The following MEMO1 variants were observed in gnomAD, a reference collection of about 807,000 sequenced individuals.
MEMO1 encodes protein MEMO1.
A neutral mutation model predicts 45.2 loss-of-function variants in MEMO1; 6 were observed. The ratio of observed to expected loss-of-function variants is 0.13; its 90% CI spans 0.07 to 0.26. MEMO1 has a LOEUF of 0.26. MEMO1 is among the 10% of genes least tolerant of loss of function. The pLI is 1.00. For synonymous variants in MEMO1, 78 were observed against 124.3 expected (o/e 0.63, Z 2.48); for missense variants, 184 against 370.5 (o/e 0.50, Z 4.13).
At chr2:31,944,336 T>C (rs1292983882) in intron 2 of MEMO1, among the ~76,000 whole-genome samples, 1 of 152,200 alleles carries the variant, frequency 6.6e-6, no homozygotes, top group African/African-American at 2.4e-5. Context: ...ACTTCCTTCA[T>C]CCCCTTATCA....
intron 2 of MEMO1, among the ~76,000 whole-genome samples, chr2:31,969,920 A>T (rs1669181332): frequency 6.6e-6 from 1 of 151,014 alleles, no homozygotes; most frequent in African/African-American, 2.4e-5. Flanking sequence ...ATTTTCTATA[A>T]CTTACCTGAA....
chr2:31,899,338 T>C (rs1375936618), intron 6 of MEMO1, among the ~76,000 whole-genome samples: 2 of 152,078 alleles, frequency 1.3e-5, no homozygotes, highest in Admixed American at 6.5e-5. Context: ...AAAACAGATA[T>C]ATAGACCAAT....
chr2:32,010,171 C>T lies in MEMO1; in HGVS notation c.61+16G>A, dbSNP rs746889252. 29 of 1,324,714 alleles carry T rather than the reference C, an allele frequency of 2.2e-5. No individual in the cohort carries two copies. In the African/African-American group the frequency reaches 4.1e-4, roughly 19 times the overall value. The allele number at this position is 1,324,714 out of a possible 1,614,324, so 82.1% of individuals were successfully genotyped here. A position where few individuals can be genotyped will look rare whatever the true frequency, so the allele number is the denominator to read the frequency against. Reference sequence around the variant, plus strand: ...GCGGCGACGGCGGCGGGCGGGCCGGCGGCCTGGGGCCCTACCTGAGGCTGT... The same window carrying T: ...GCGGCGACGGCGGCGGGCGGGCCGGTGGCCTGGGGCCCTACCTGAGGCTGT... On this transcript the variant is annotated intron_variant, in intron 2 of 9. Coordinates refer to ENST00000404530, the MANE Select transcript of MEMO1 (RefSeq NM_001301833.4).
At chr2:31,934,968 G>A (rs560821130) in intron 3 of MEMO1, among the ~76,000 whole-genome samples, 16 of 152,178 alleles carry the variant, frequency 1.1e-4, no homozygotes, top group Non-Finnish European at 2.1e-4. Context: ...CAGTGACTGA[G>A]CATGGGAGAT....
intron 7 of MEMO1, among the ~76,000 whole-genome samples, chr2:31,887,112 T>C (rs1676294681): frequency 6.6e-6 from 1 of 152,184 alleles, no homozygotes; most frequent in South Asian, 2.1e-4. Flanking sequence ...TACAGGTAAG[T>C]AATTTTCCCA....
chr2:31,920,956 A>C, intron 4 of MEMO1, 46 bp from the exon 5 acceptor site: 1 of 1,239,084 alleles, frequency 8.1e-7, no homozygotes, highest in Non-Finnish European at 1.2e-6. Context: ...GCACTTCTAC[A>C]CAAACCTTAT....
intron 2 of MEMO1, among the ~76,000 whole-genome samples, chr2:32,001,032 ATTTT>A (rs66617379): frequency 1.9e-5 from 2 of 104,552 alleles, no homozygotes; most frequent in Admixed American, 1.1e-4. Context: ...ATAAATTTTG[ATTTT>A]TTTTTTTTTT....
At chr2:31,921,110 G>C (rs1272650756) in intron 4 of MEMO1, among the ~76,000 whole-genome samples, 200 bp from the exon 5 acceptor site, 4 of 152,086 alleles carry the variant, frequency 2.6e-5, no homozygotes, top group African/African-American at 9.7e-5. Flanking sequence ...GTGCTATTTA[G>C]AGATAAGGTC....
At chr2:32,001,602 C>A (rs77248509) in intron 2 of MEMO1, among the ~76,000 whole-genome samples, 305 of 152,242 alleles carry the variant, frequency 2.0e-3, no homozygotes, top group African/African-American at 6.8e-3. Flanking sequence ...GGGTTCAAAT[C>A]TTAGCTCTGC....
intron 7 of MEMO1, among the ~76,000 whole-genome samples, chr2:31,887,547 G>C (rs1317581610): frequency 1.1e-4 from 17 of 151,934 alleles, no homozygotes; most frequent in Admixed American, 1.1e-3. Flanking sequence ...CCCAACCTGG[G>C]GACATTCATA....
chr2:31,994,991 A>G (rs1356859081), intron 2 of MEMO1, among the ~76,000 whole-genome samples: 4 of 129,458 alleles, frequency 3.1e-5, no homozygotes, highest in Non-Finnish European at 6.5e-5. Flanking sequence ...GGAGGAAGGG[A>G]GGGAGGGAGA....
At chr2:31,915,990 C>G (rs2148144423) in intron 6 of MEMO1, among the ~76,000 whole-genome samples, 1 of 152,158 alleles carries the variant, frequency 6.6e-6, no homozygotes, top group Admixed American at 6.5e-5. Context: ...AAAGAAAAGA[C>G]ACTAAGTACT....
intron 2 of MEMO1, among the ~76,000 whole-genome samples, chr2:31,995,481 G>T (rs776021705): frequency 6.6e-6 from 1 of 151,870 alleles, no homozygotes; most frequent in South Asian, 2.1e-4. Context: ...CAATCAAATG[G>T]AATATAGAGA....
intron 3 of MEMO1, among the ~76,000 whole-genome samples, chr2:31,939,488 G>C (rs1004851935): frequency 6.6e-6 from 1 of 152,108 alleles, no homozygotes; most frequent in African/African-American, 2.4e-5. Context: ...AAGGAAACAA[G>C]TCTGGCTACT....
At chr2:31,899,100 G>C (rs1346814449) in intron 6 of MEMO1, among the ~76,000 whole-genome samples, 2 of 152,160 alleles carry the variant, frequency 1.3e-5, no homozygotes, top group African/African-American at 4.8e-5. Flanking sequence ...AGTGAAAACA[G>C]CCCACCGCCC....
intron 2 of MEMO1, among the ~76,000 whole-genome samples, chr2:31,977,509 TATTTA>T (rs568946396): frequency 4.3e-4 from 65 of 152,164 alleles, no homozygotes; most frequent in Non-Finnish European, 8.8e-4. Context: ...TTTATTTACT[TATTTA>T]ATTTATTTAT....
chr2:31,883,301 T>C, intron 8 of MEMO1, 85 bp downstream of exon 8: 1 of 943,266 alleles, frequency 1.1e-6, no homozygotes, highest in Non-Finnish European at 1.6e-6. Flanking sequence ...AAATATATTA[T>C]TTCAACATGT....
chr2:31,992,409 T>C (rs1028428920), intron 2 of MEMO1, among the ~76,000 whole-genome samples: 2 of 152,232 alleles, frequency 1.3e-5, no homozygotes, highest in East Asian at 1.9e-4. Context: ...AGAGGTGTCA[T>C]GGCAATAAAC....
At chr2:31,903,242 A>C (rs989400956) in intron 6 of MEMO1, among the ~76,000 whole-genome samples, 1 of 152,228 alleles carries the variant, frequency 6.6e-6, no homozygotes, top group African/African-American at 2.4e-5. Context: ...GTCTAGAAGC[A>C]GTCCCAGTAT....
Sources: allele counts gnomAD v4.1 joint callset (sites outside exome capture counted in the v4.1 genomes callset), GRCh38; gene constraint gnomAD v4.1.1; transcripts MANE v1.5; gene names NCBI Gene and HGNC (gene_info 2026-07-23, HGNC 2026-07-21).